MCM8: variants seen among roughly 807,000 people sequenced by gnomAD.
The protein encoded by MCM8 is minichromosome maintenance 8 homologous recombination repair factor, also known as DNA helicase MCM8.
MCM8 carries 85 observed loss-of-function variants against 98.9 expected under a neutral mutation model. The ratio of observed to expected loss-of-function variants is 0.86; its 90% CI spans 0.72 to 1.03. MCM8 has a LOEUF of 1.03. Ranked by LOEUF, MCM8 falls within the 50% of genes least tolerant of loss-of-function variation. The pLI, the probability that MCM8 is intolerant of heterozygous loss-of-function variation, is 0.00. For synonymous variants in MCM8, 352 were observed against 338.6 expected, an observed-to-expected ratio of 1.04 and a Z score of -0.44; for missense variants, 951 against 997.8, an observed-to-expected ratio of 0.95 and a Z score of 0.63.
chr20:5,966,438 C>T (rs1423655814), intron 8 of MCM8, among the ~76,000 whole-genome samples: 3 of 152,020 alleles, frequency 2.0e-5, no homozygotes, highest in Non-Finnish European at 4.4e-5. Flanking sequence ...TTTTTATATA[C>T]ATGCTTTAAA....
intron 3 of MCM8, 96 bp downstream of exon 3, chr20:5,952,624 C>A: frequency 1.0e-6 from 1 of 963,410 alleles, no homozygotes. Flanking sequence ...CATTTACTAA[C>A]ATATACCTGC....
In MCM8 at chr20:5,973,197, G is replaced by T; in HGVS notation, c.1395+1G>T. ...CCTAGGAAAAAGTCAAATGCTACAGGTAGACAATCAGTCATTTAGTGTTTG... is the reference window on the plus strand; with the variant it reads ...CCTAGGAAAAAGTCAAATGCTACAGTTAGACAATCAGTCATTTAGTGTTTG... On this transcript the variant is annotated splice_donor_variant, in intron 12 of 18. Coordinates refer to ENST00000610722, the MANE Select transcript of MCM8 (RefSeq NM_032485.6). LOFTEE classifies it high-confidence loss of function. 6.2e-7 allele frequency: 1 copy of T among 1,613,738 alleles called. No individual in the cohort carries two copies. Among genetic ancestry groups the T allele is most frequent in the Non-Finnish European group, 8.5e-7 (1 of 1,179,812 alleles).
chr20:5,972,753 A>G, intron 11 of MCM8: 1 of 1,330,124 alleles, frequency 7.5e-7, no homozygotes, highest in Non-Finnish European at 9.8e-7. Flanking sequence ...TAAAGTGACT[A>G]GACACTGCCA....
chr20:5,977,796 C>T, intron 12 of MCM8, 80 bp from the exon 13 acceptor site: 1 of 1,497,540 alleles, frequency 6.7e-7, no homozygotes, highest in South Asian at 1.2e-5. Flanking sequence ...TAGCATATAC[C>T]TAACGTTTGT....
intron 8 of MCM8, chr20:5,964,555 T>A (rs1250335979): frequency 6.6e-6 from 1 of 152,208 alleles, no homozygotes; most frequent in Admixed American, 6.5e-5. Context: ...CTGGAGGTAG[T>A]AAGTTATTTC....
At chr20:5,958,258 A>G (rs1213695934) in intron 6 of MCM8, among the ~76,000 whole-genome samples, 2 of 152,126 alleles carry the variant, frequency 1.3e-5, no homozygotes, top group Admixed American at 6.5e-5. Context: ...AGTCCCAGCT[A>G]CTCGGGAGAC....
intron 7 of MCM8, among the ~76,000 whole-genome samples, chr20:5,962,037 C>T (rs2089156216): frequency 6.6e-6 from 1 of 152,214 alleles, no homozygotes; most frequent in African/African-American, 2.4e-5. Context: ...TGGCTCCAGG[C>T]CTCTCATGGA....
intron 18 of MCM8, 147 bp from the exon 19 acceptor site, chr20:5,994,152 A>G: frequency 2.1e-6 from 1 of 471,400 alleles, no homozygotes; most frequent in Non-Finnish European, 3.7e-6. Flanking sequence ...GAACTCAAAT[A>G]TAGGCAGTTT....
intron 12 of MCM8, among the ~76,000 whole-genome samples, chr20:5,975,858 T>A (rs1422730705): frequency 6.6e-6 from 1 of 152,092 alleles, no homozygotes; most frequent in Non-Finnish European, 1.5e-5. Context: ...CCAGTGGTAT[T>A]GAAAGTGTTA....
chr20:5,984,735 C>T (rs756648835), intron 14 of MCM8, 46 bp from the exon 15 acceptor site: 2 of 1,492,906 alleles, frequency 1.3e-6, no homozygotes, highest in Non-Finnish European at 1.8e-6. Flanking sequence ...TCTAGTTTTT[C>T]CTTTTGATTC....
At chr20:5,977,505 G>T (rs983301025) in intron 12 of MCM8, among the ~76,000 whole-genome samples, 4 of 152,216 alleles carry the variant, frequency 2.6e-5, no homozygotes, top group African/African-American at 9.6e-5. Context: ...GTTTAAAGAA[G>T]CATTGGAACC....
chr20:5,962,352 C>CTTTTTTTT (rs926577182), intron 7 of MCM8, among the ~76,000 whole-genome samples: 565 of 40,594 alleles, frequency 0.014, 125 homozygotes, highest in Middle Eastern at 0.025. Context: ...GCCTTCATTT[C>CTTTTTTTT]TTTTTTTTTT....
intron 17 of MCM8, among the ~76,000 whole-genome samples, chr20:5,993,278 C>T (rs1358300662): frequency 1.3e-5 from 2 of 152,064 alleles, no homozygotes; most frequent in Non-Finnish European, 2.9e-5. Context: ...TTTCTCTCTC[C>T]AAATTTAGAA....
chr20:5,977,484 T>C (rs1174319564), intron 12 of MCM8, among the ~76,000 whole-genome samples: 1 of 152,270 alleles, frequency 6.6e-6, no homozygotes, highest in Non-Finnish European at 1.5e-5. Flanking sequence ...TAAGTCACTT[T>C]ATTACCTGAT....
intron 10 of MCM8, among the ~76,000 whole-genome samples, chr20:5,968,921 T>G (rs2089339696): frequency 6.6e-6 from 1 of 152,242 alleles, no homozygotes; most frequent in Non-Finnish European, 1.5e-5. Flanking sequence ...GCTATTGCCA[T>G]GCCGTGGAGA....
At chr20:5,968,402 G>A (rs1365848003) in intron 10 of MCM8, among the ~76,000 whole-genome samples, 1 of 152,100 alleles carries the variant, frequency 6.6e-6, no homozygotes, top group Admixed American at 6.5e-5. Context: ...AAAATTGGCC[G>A]GGCTTGGTGG....
chr20:5,958,705 A>G lies in MCM8; in HGVS notation c.768A>G (p.Gly256=). The change falls in exon 7 of 19, where the codon GGA becomes GGG. Residue 256 remains glycine, a synonymous_variant. Transcript: ENST00000610722. The stretch of plus-strand genomic sequence containing the variant: ...TTCAGAGCTTTCCTCTTCCAGATGG[A>G]AAATACAGTCTTCCCACAAAGGTAA... ...GEIQSFPLPD[G]KYSLPTKCPV... 1.2e-6 allele frequency: 2 copies of G among 1,614,166 alleles called. No individual in the cohort carries two copies. Among genetic ancestry groups the G allele is most frequent in the South Asian group, 1.1e-5 (1 of 91,084 alleles).
intron 13 of MCM8, among the ~76,000 whole-genome samples, chr20:5,981,740 A>G (rs2089635084): frequency 6.6e-6 from 1 of 152,224 alleles, no homozygotes; most frequent in Non-Finnish European, 1.5e-5. Flanking sequence ...ATGCCCAGTA[A>G]AAGACCTCAC....
chr20:5,973,994 C>T (rs954471211), intron 12 of MCM8, among the ~76,000 whole-genome samples: 2 of 152,036 alleles, frequency 1.3e-5, no homozygotes, highest in African/African-American at 2.4e-5. Context: ...TTTGTAGATC[C>T]CCAAGAAAAT....
Sources: allele counts gnomAD v4.1 joint callset (sites outside exome capture counted in the v4.1 genomes callset), GRCh38; gene constraint gnomAD v4.1.1; transcripts MANE v1.5; gene names NCBI Gene and HGNC (gene_info 2026-07-23, HGNC 2026-07-21).